DLG2: variants seen among roughly 807,000 people sequenced by gnomAD.
DLG2 encodes the protein discs large MAGUK scaffold protein 2, also known as disks large homolog 2.
In DLG2, 45 loss-of-function variants were observed where a neutral mutation model predicts 132.5. The ratio of observed to expected loss-of-function variants is 0.34; its 90% CI spans 0.27 to 0.44. DLG2 has a LOEUF of 0.44. DLG2 is among the 20% of genes least tolerant of loss of function. DLG2 has a pLI of 1.00. For missense variants in DLG2, 1,045 were observed against 1,196.9 expected, an observed-to-expected ratio of 0.87 and a Z score of 1.87; for synonymous variants, 424 against 419.6, an observed-to-expected ratio of 1.01 and a Z score of -0.13.
At position 83,633,290 on chromosome 11, in the gene DLG2, G is replaced by T; in HGVS notation, c.1861C>A (p.Arg621=). Residue 621 remains arginine (R), a synonymous_variant, in exon 19 of 28, where the codon CGA becomes AGA. Coordinates refer to ENST00000376104, the MANE Select transcript of DLG2 (RefSeq NM_001142699.3). Reference sequence around the variant, plus strand: ...ATGCTGTGGTTCATCATCTGCTCTCGTAGGTCATGGATTTTGGCCTCAAAT... The same window carrying T: ...ATGCTGTGGTTCATCATCTGCTCTCTTAGGTCATGGATTTTGGCCTCAAAT... The part of the protein sequence containing the change: ...ARFEAKIHDL[R]EQMMNHSMSS... 6.2e-7 allele frequency: 1 copy of T among 1,613,624 alleles called. No individual in the cohort carries two copies. Among genetic ancestry groups the T allele is most frequent in the Non-Finnish European group, 8.5e-7 (1 of 1,179,706 alleles).
In DLG2 at chr11:83,773,574, G is replaced by A. The variant is rs192600432; in HGVS notation, c.1825+13116C>T. On this transcript the variant is annotated intron_variant, in intron 18 of 27. Transcript: ENST00000376104. ...CAGCAGGAGTGTCAGAATCATTCTTGGAAGCAAAGAAAATCTGCTCCCATA... is the reference window on the plus strand; with the variant it reads ...CAGCAGGAGTGTCAGAATCATTCTTAGAAGCAAAGAAAATCTGCTCCCATA... Among the ~76,000 whole-genome samples the A allele has an allele frequency of 1.4e-3, 215 of 152,246 alleles. 1 individual carries two copies. Among genetic ancestry groups the A allele is most frequent in the African/African-American group, 4.9e-3 (202 of 41,534 alleles).
chr11:83,586,144 G>T (rs2097081386), intron 19 of DLG2, among the ~76,000 whole-genome samples: 1 of 152,202 alleles, frequency 6.6e-6, no homozygotes, highest in Admixed American at 6.5e-5. Context: ...AATCTGGATG[G>T]ATGCAAGCCC....
At chr11:84,252,986 G>T (rs999673631) in intron 7 of DLG2, among the ~76,000 whole-genome samples, 1 of 152,092 alleles carries the variant, frequency 6.6e-6, no homozygotes, top group Non-Finnish European at 1.5e-5. Context: ...TAGCAATCCA[G>T]CAGGTTTTAC....
At chr11:85,154,527 G>T in intron 5 of DLG2, 29 bp downstream of exon 5, 1 of 1,104,278 alleles carries the variant, frequency 9.1e-7, no homozygotes, top group Non-Finnish European at 1.3e-6. Flanking sequence ...ATGAAGCCTA[G>T]TAAGAAAAGA....
At chr11:84,250,345 C>CT (rs2097355522) in intron 8 of DLG2, among the ~76,000 whole-genome samples, 1 of 152,144 alleles carries the variant, frequency 6.6e-6, no homozygotes, top group Non-Finnish European at 1.5e-5. Context: ...TGGGCTAAAA[C>CT]TGAGAAGAGC....
At chr11:85,342,989 TA>T (rs1453162149) in intron 3 of DLG2, among the ~76,000 whole-genome samples, 2 of 152,188 alleles carry the variant, frequency 1.3e-5, no homozygotes, top group Non-Finnish European at 2.9e-5. Flanking sequence ...GTTGGCTCTC[TA>T]AAAAGTAGTT....
chr11:85,581,160 C>T (rs77664243), intron 3 of DLG2, among the ~76,000 whole-genome samples: 5,515 of 152,222 alleles, frequency 0.036, 155 homozygotes, highest in Admixed American at 0.052. Flanking sequence ...TGTCAGGCAG[C>T]CCCTTCAATA....
chr11:85,437,821 T>A (rs1471851374), intron 3 of DLG2, among the ~76,000 whole-genome samples: 2 of 152,184 alleles, frequency 1.3e-5, no homozygotes, highest in Non-Finnish European at 2.9e-5. Flanking sequence ...TAAAATAAAG[T>A]GAATCCTTCA....
chr11:85,553,916 G>T (rs943690130), intron 3 of DLG2, among the ~76,000 whole-genome samples: 1 of 151,080 alleles, frequency 6.6e-6, no homozygotes, highest in African/African-American at 2.4e-5. Flanking sequence ...AATATTCATA[G>T]TTTAAGTTTC....
At chr11:83,778,521 G>T (rs2094679857) in intron 18 of DLG2, among the ~76,000 whole-genome samples, 2 of 152,076 alleles carry the variant, frequency 1.3e-5, no homozygotes, top group Admixed American at 1.3e-4. Flanking sequence ...TTTTTATGGG[G>T]ATGTTCGGAA....
At chr11:84,127,829 A>T (rs532617599) in intron 9 of DLG2, among the ~76,000 whole-genome samples, 42 of 152,148 alleles carry the variant, frequency 2.8e-4, no homozygotes, top group Non-Finnish European at 5.4e-4. Flanking sequence ...TTATTGGATT[A>T]GGGCCCACCC....
chr11:84,739,522 T>G (rs1293630779), intron 6 of DLG2, among the ~76,000 whole-genome samples: 1 of 152,180 alleles, frequency 6.6e-6, no homozygotes, highest in African/African-American at 2.4e-5. Flanking sequence ...TTTTAAAAAA[T>G]ATTTTATATC....
At chr11:84,128,116 T>C (rs1376121800) in intron 9 of DLG2, among the ~76,000 whole-genome samples, 2 of 152,174 alleles carry the variant, frequency 1.3e-5, no homozygotes, top group African/African-American at 2.4e-5. Context: ...CAACAATAGA[T>C]GTTTAATAAA....
At chr11:84,499,636 G>T (rs952212184) in intron 7 of DLG2, among the ~76,000 whole-genome samples, 1 of 152,064 alleles carries the variant, frequency 6.6e-6, no homozygotes, top group Non-Finnish European at 1.5e-5. Flanking sequence ...AAAAGTCTTA[G>T]CTTGACACTA....
intron 4 of DLG2, among the ~76,000 whole-genome samples, chr11:85,282,573 G>A (rs909618732): frequency 6.6e-6 from 1 of 151,792 alleles, no homozygotes; most frequent in Admixed American, 6.6e-5. Context: ...TTGCATGCAG[G>A]GAGGATAGAG....
intron 21 of DLG2, among the ~76,000 whole-genome samples, chr11:83,524,720 T>C (rs937964421): frequency 1.3e-5 from 2 of 152,222 alleles, no homozygotes; most frequent in African/African-American, 2.4e-5. Flanking sequence ...TTTGTACTTA[T>C]GCTTTGCACT....
chr11:84,373,249 C>CAAAAAAAAAAACAAAA (rs1459550146), intron 7 of DLG2, among the ~76,000 whole-genome samples: 8 of 41,666 alleles, frequency 1.9e-4, no homozygotes, highest in African/African-American at 9.3e-4. Context: ...AAGAAACAGT[C>CAAAAAAAAAAACAAAA]AAAAAAAAAA....
chr11:85,162,743 CTTA>C (rs1333874702), intron 4 of DLG2, among the ~76,000 whole-genome samples: 2 of 152,098 alleles, frequency 1.3e-5, no homozygotes, highest in East Asian at 3.9e-4. Flanking sequence ...TAATTATGGC[CTTA>C]TTATTGTCTT....
intron 18 of DLG2, among the ~76,000 whole-genome samples, chr11:83,724,289 G>A (rs2089453784): frequency 6.6e-6 from 1 of 152,086 alleles, no homozygotes; most frequent in Admixed American, 6.6e-5. Context: ...CATAAGCCTG[G>A]CTCCCTGGAT....
Sources: allele counts gnomAD v4.1 joint callset (sites outside exome capture counted in the v4.1 genomes callset), GRCh38; gene constraint gnomAD v4.1.1; transcripts MANE v1.5; gene names NCBI Gene and HGNC (gene_info 2026-07-23, HGNC 2026-07-21).